The following TTLL6 variants were observed in gnomAD, a reference collection of about 807,000 sequenced individuals.
The protein encoded by TTLL6 is tubulin polyglutamylase TTLL6.
TTLL6 carries 75 observed loss-of-function variants against 96.4 expected under a neutral mutation model. The ratio of observed to expected loss-of-function variants is 0.78; its 90% CI spans 0.65 to 0.94. The LOEUF (loss-of-function observed/expected upper bound fraction) is 0.94, where lower values mean the gene tolerates loss of function less well. TTLL6 is among the 40% of genes least tolerant of loss of function. The pLI, the probability that TTLL6 is intolerant of heterozygous loss-of-function variation, is 0.00. For missense variants in TTLL6, 1,030 were observed against 1,093.0 expected (o/e 0.94, Z 0.81); for synonymous variants, 411 against 419.4 (o/e 0.98, Z 0.24).
intron 13 of TTLL6, among the ~76,000 whole-genome samples, chr17:48,777,636 C>G (rs2038901098): frequency 6.6e-6 from 1 of 151,804 alleles, no homozygotes; most frequent in Non-Finnish European, 1.5e-5. Context: ...GAGGCTGAGG[C>G]AGGAGAATCA....
At chr17:48,799,549 G>T in intron 6 of TTLL6, 55 bp downstream of exon 6, 1 of 1,511,440 alleles carries the variant, frequency 6.6e-7, no homozygotes, top group Non-Finnish European at 9.0e-7. Flanking sequence ...GTCCAGTGGA[G>T]CTAAAGTCCG....
chr17:48,790,045 A>G lies in TTLL6; in HGVS notation c.1286T>C (p.Leu429Pro). The stretch of plus-strand genomic sequence containing the variant: ...GATCAGGACTAAGGTGTCATACAGC[A>G]GACCATCTTTCACCTCTTTATCCAA... ...SRLDKEVKDG[L>P]LYDTLVLINL... The change falls in exon 10 of 16, where the codon CTG becomes CCG. Residue 429 changes from leucine to proline, a missense_variant. Coordinates refer to ENST00000393382, the MANE Select transcript of TTLL6 (RefSeq NM_001130918.3). 1.9e-6 allele frequency: 3 copies of G among 1,614,216 alleles called. No individual in the cohort carries two copies. The highest frequency in any genetic ancestry group is 2.5e-6 in the Non-Finnish European group (3 of 1,180,032).
At chr17:48,771,689 A>G (rs1355224495) in intron 13 of TTLL6, among the ~76,000 whole-genome samples, 1 of 151,920 alleles carries the variant, frequency 6.6e-6, no homozygotes, top group African/African-American at 2.4e-5. Context: ...ATATTTATCT[A>G]TCACTCTTTA....
At chr17:48,769,675 G>A (rs1482479700) in intron 14 of TTLL6, 53 bp downstream of exon 14, 13 of 1,574,894 alleles carry the variant, frequency 8.3e-6, no homozygotes, top group Admixed American at 3.5e-5. Flanking sequence ...TGGTTCTATC[G>A]GTCCCTCTCC....
rs369248868 is a variant in TTLL6 at position 48,775,520 on chromosome 17, CTATTATTATTAT to C, written c.2041-5435_2041-5424del. Among the ~76,000 whole-genome samples, 19 of 143,260 alleles carry C rather than the reference CTATTATTATTAT, an allele frequency of 1.3e-4. 1 individual carries two copies. Among genetic ancestry groups the C allele is most frequent in the Admixed American group, 4.2e-4 (6 of 14,242 alleles). 94.0% of individuals were successfully genotyped at this position (143,260 alleles called of 152,430 possible). On this transcript the variant is annotated intron_variant, in intron 13 of 15. Transcript: ENST00000393382. ...GCACTTGACAAGGTTCAACATCCAT[CTATTATTATTAT>C]TATTATTATTATTATTATTATTATT...
chr17:48,789,794 T>C, intron 10 of TTLL6, 137 bp downstream of exon 10: 1 of 837,834 alleles, frequency 1.2e-6, no homozygotes, highest in Middle Eastern at 3.7e-4. Context: ...TGACCTCAGG[T>C]GATCTGCCTG....
At chr17:48,788,227 C>T (rs1468264537) in intron 10 of TTLL6, among the ~76,000 whole-genome samples, 1 of 152,246 alleles carries the variant, frequency 6.6e-6, no homozygotes, top group African/African-American at 2.4e-5. Context: ...CACAGTCTTT[C>T]TAACAACTCA....
intron 15 of TTLL6, among the ~76,000 whole-genome samples, chr17:48,766,036 CT>C (rs1447584123): frequency 3.3e-5 from 5 of 152,196 alleles, no homozygotes; most frequent in African/African-American, 1.2e-4. Flanking sequence ...ACCAGAGCTT[CT>C]TGGGGAATCT....
chr17:48,766,314 CAT>C (rs1453495366), intron 15 of TTLL6, among the ~76,000 whole-genome samples: 1 of 152,192 alleles, frequency 6.6e-6, no homozygotes, highest in Non-Finnish European at 1.5e-5. Flanking sequence ...ATGGCAGAGA[CAT>C]AGTCCATGCC....
chr17:48,766,507 T>G (rs1173911212), intron 15 of TTLL6, among the ~76,000 whole-genome samples: 1 of 152,234 alleles, frequency 6.6e-6, no homozygotes, highest in Non-Finnish European at 1.5e-5. Context: ...TCATTATTAT[T>G]TCATTTAACA....
Position 48,797,156 on chromosome 17 carries a change from C to A in TTLL6, c.817G>T (p.Val273Leu). ...FKFDLRIYVL[V>L]TSCDPLRIFV... is the part of the protein sequence containing the mutation. The stretch of plus-strand genomic sequence containing the variant: ...ATCCTGAGAGGGTCACAGGATGTCA[C>A]CAGTACATAAATCCGTAGGTCAAAC... The change falls in exon 7 of 16, where the codon GTG (valine) becomes TTG (leucine). Residue 273 changes from valine to leucine, a missense_variant. Physicochemically the swap from Val to Leu is conservative, Grantham distance 32. Transcript: ENST00000393382. The A allele has an allele frequency of 4.5e-6, 7 of 1,551,538 alleles. No homozygotes were observed. The highest frequency in any genetic ancestry group is 1.4e-5 in the African/African-American group (1 of 73,084).
In TTLL6 at chr17:48,787,982, C is replaced by A. The variant is rs546904043; in HGVS notation, c.1418G>T (p.Gly473Val). Residue 473 changes from glycine (G) to valine (V), a missense_variant, in exon 11 of 16, where the codon GGT (glycine) becomes GTT (valine). By Grantham distance (109) the Gly-to-Val change is moderately radical. Transcript: ENST00000393382. ...TTTCTTTAACTGCACGGCCCGGAAA[C>A]CCTTGGCTTCCTCAATCCTGTTGGG... Reference protein sequence around the residue: ...SREMRIEEAKGFRAVQLKKTE... With the variant: ...SREMRIEEAKVFRAVQLKKTE... 3.1e-6 allele frequency: 5 copies of A among 1,613,778 alleles called. No homozygotes were observed. In the South Asian group the frequency reaches 4.4e-5, roughly 14 times the overall value.
Position 48,762,856 on chromosome 17 carries a change from A to G in TTLL6, c.*118T>C, listed in dbSNP as rs1313626206. The G allele has an allele frequency of 6.6e-6, 3 of 451,428 alleles. No homozygotes were observed. In the East Asian group the frequency reaches 2.1e-4, roughly 31 times the overall value. The allele number at this position is 451,428 out of a possible 1,614,324, so 28.0% of individuals were successfully genotyped here. A position where few individuals can be genotyped will look rare whatever the true frequency, so the allele number is the denominator to read the frequency against. On this transcript the variant is annotated 3_prime_UTR_variant, in exon 16 of 16. Coordinates refer to ENST00000393382, the MANE Select transcript of TTLL6 (RefSeq NM_001130918.3). ...ACTAATGGAAGACCAGTATATCTAG[A>G]TGAGCAAACAAAACTTCAGTTGATT...
chr17:48,808,170 T>C (rs374110130), intron 1 of TTLL6, among the ~76,000 whole-genome samples: 156 of 152,332 alleles, frequency 1.0e-3, no homozygotes, highest in African/African-American at 1.6e-3. Flanking sequence ...ATGTATTCCA[T>C]TGAAAGAATG....
At chr17:48,774,096 CAAAA>C (rs1286139436) in intron 13 of TTLL6, among the ~76,000 whole-genome samples, 6 of 44,228 alleles carry the variant, frequency 1.4e-4, no homozygotes, top group East Asian at 8.2e-4. Flanking sequence ...AAAAACAAAA[CAAAA>C]AAAAAAAAAA....
chr17:48,785,278 G>A lies in TTLL6; in HGVS notation c.1762-77C>T. The A allele has an allele frequency of 1.1e-5, 17 of 1,585,992 alleles. No homozygotes were observed. In the South Asian group the frequency reaches 1.6e-4, roughly 15 times the overall value. ...ACTTCCAGATTCATCTGCACCCAGG[G>A]GTAGGTGAAAAAGAGATGAGGAGAA... On this transcript the variant is annotated intron_variant, in intron 12 of 15. Coordinates refer to ENST00000393382, the MANE Select transcript of TTLL6 (RefSeq NM_001130918.3).
intron 13 of TTLL6, among the ~76,000 whole-genome samples, chr17:48,771,503 A>G (rs1055088391): frequency 1.3e-5 from 2 of 152,036 alleles, no homozygotes; most frequent in African/African-American, 2.4e-5. Flanking sequence ...ATGGTGGTGC[A>G]CACCTGTAGT....
At chr17:48,767,883 A>C (rs1341038789) in intron 15 of TTLL6, among the ~76,000 whole-genome samples, 2 of 151,996 alleles carry the variant, frequency 1.3e-5, no homozygotes, top group Admixed American at 1.3e-4. Context: ...AGCACACTCC[A>C]TTACAGGGCC....
At chr17:48,816,354 T>C (rs1025458262) in intron 1 of TTLL6, among the ~76,000 whole-genome samples, 1 of 150,876 alleles carries the variant, frequency 6.6e-6, no homozygotes, top group Non-Finnish European at 1.5e-5. Flanking sequence ...TTTTTTGGAG[T>C]GCCTCGCACA....
Sources: gnomAD v4.1 joint callset for allele counts (sites outside exome capture counted in the v4.1 genomes callset) on GRCh38, gnomAD v4.1.1 for gene constraint, MANE v1.5 for transcripts, NCBI Gene and HGNC (gene_info 2026-07-23, HGNC 2026-07-21) for gene names.